RYR2: variants seen among roughly 807,000 people sequenced by gnomAD.
RYR2 encodes cardiac muscle ryanodine receptor-calcium release channel.
RYR2 carries 227 observed loss-of-function variants against 601.1 expected under a neutral mutation model. That is an observed-to-expected ratio of 0.38 (90% CI 0.34 to 0.42). RYR2 has a LOEUF of 0.42. Ranked by LOEUF, RYR2 falls within the 10% of genes least tolerant of loss-of-function variation. RYR2 has a pLI of 1.00. For synonymous variants in RYR2, 2,223 were observed against 2,175.1 expected (o/e 1.02, Z -0.61); for missense variants, 4,646 against 6,156.5 (o/e 0.75, Z 8.21).
At chr1:237,613,814 A>G (rs1678160604) in intron 36 of RYR2, among the ~76,000 whole-genome samples, 1 of 152,194 alleles carries the variant, frequency 6.6e-6, no homozygotes, top group South Asian at 2.1e-4. Flanking sequence ...CAGATTCAGG[A>G]TGCTCAACCG....
intron 15 of RYR2, among the ~76,000 whole-genome samples, chr1:237,456,329 G>A (rs1658810937): frequency 6.6e-6 from 1 of 152,184 alleles, no homozygotes; most frequent in Non-Finnish European, 1.5e-5. Flanking sequence ...AAGGCCATAA[G>A]TATGAAGTAC....
chr1:237,666,248 G>A (rs1684316714), intron 56 of RYR2, among the ~76,000 whole-genome samples: 1 of 152,132 alleles, frequency 6.6e-6, no homozygotes, highest in African/African-American at 2.4e-5. Flanking sequence ...ATAAGATAAT[G>A]TTTCAGAATT....
At chr1:237,154,863 A>G (rs762152981) in intron 1 of RYR2, among the ~76,000 whole-genome samples, 2 of 152,234 alleles carry the variant, frequency 1.3e-5, no homozygotes, top group Non-Finnish European at 2.9e-5. Context: ...TCCTCAAAAC[A>G]GTTGTTTAAG....
intron 24 of RYR2, among the ~76,000 whole-genome samples, chr1:237,521,888 C>T (rs1181919167): frequency 3.3e-5 from 5 of 152,094 alleles, no homozygotes; most frequent in Admixed American, 6.5e-5. Context: ...CTCTTGCTTG[C>T]AGTCACACTG....
chr1:237,167,792 G>A (rs1676887524), intron 1 of RYR2, among the ~76,000 whole-genome samples: 1 of 142,110 alleles, frequency 7.0e-6, no homozygotes, highest in Non-Finnish European at 1.5e-5. Context: ...GCTGTTTACA[G>A]ATATGCTTAT....
chr1:237,440,462 T>G (rs541991724), intron 12 of RYR2, among the ~76,000 whole-genome samples: 1 of 152,124 alleles, frequency 6.6e-6, no homozygotes, highest in Admixed American at 6.5e-5. Flanking sequence ...CTTTAAGACA[T>G]AGTGAGTTCC....
Position 237,643,388 on chromosome 1 carries a change from C to T in RYR2, c.7283C>T (p.Pro2428Leu), listed in dbSNP as rs1221894928. 6.2e-7 allele frequency: 1 copy of T among 1,613,706 alleles called. No individual in the cohort carries two copies. Among genetic ancestry groups the T allele is most frequent in the Admixed American group, 1.7e-5 (1 of 59,996 alleles). ...AGGTCCATTTTGAGATCCCTCATTC[C>T]CCTGGGAGATTTGGTGGGCGTTATC... Reference protein sequence around the residue: ...RIRSILRSLIPLGDLVGVISI... With the variant: ...RIRSILRSLILLGDLVGVISI... The change falls in exon 48 of 105, where the codon CCC becomes CTC. Residue 2428 changes from proline to leucine, a missense_variant. By Grantham distance (98) the Pro-to-Leu change is moderately conservative. Coordinates refer to ENST00000366574, the MANE Select transcript of RYR2 (RefSeq NM_001035.3).
intron 3 of RYR2, among the ~76,000 whole-genome samples, chr1:237,337,808 A>G (rs990167222): frequency 6.6e-6 from 1 of 152,140 alleles, no homozygotes; most frequent in Non-Finnish European, 1.5e-5. Flanking sequence ...AAAACCTTCA[A>G]TTACCTGAAG....
rs549158512 is a variant in RYR2, at chr1:237,063,889, A to G, written c.48+21320A>G. On this transcript the variant is annotated intron_variant, in intron 1 of 104. Transcript: ENST00000366574. ...TTGTTGGTGATCCACCCCCGACCCCACCCCCAGCAATTCTGGCTTCCATTA... is the reference window on the plus strand; with the variant it reads ...TTGTTGGTGATCCACCCCCGACCCCGCCCCCAGCAATTCTGGCTTCCATTA... Among the ~76,000 whole-genome samples the G allele has an allele frequency of 8.6e-5, 13 of 151,696 alleles. No homozygotes were observed. In the East Asian group the frequency reaches 2.3e-3, roughly 27 times the overall value.
intron 1 of RYR2, among the ~76,000 whole-genome samples, chr1:237,111,586 T>A (rs1266725681): frequency 1.0e-5 from 1 of 96,500 alleles, no homozygotes; most frequent in Non-Finnish European, 2.1e-5. Context: ...AGACTCCGTC[T>A]CTTTAAAAAA....
chr1:237,395,747 C>T (rs1702795638), intron 10 of RYR2, among the ~76,000 whole-genome samples: 1 of 152,040 alleles, frequency 6.6e-6, no homozygotes, highest in South Asian at 2.1e-4. Flanking sequence ...GGGGTTTCAC[C>T]GTGTTAGCCA....
intron 10 of RYR2, among the ~76,000 whole-genome samples, chr1:237,396,954 C>A (rs1190240409): frequency 6.6e-6 from 1 of 151,756 alleles, no homozygotes; most frequent in Non-Finnish European, 1.5e-5. Context: ...AACTTGACAC[C>A]AAAAGTATGT....
intron 9 of RYR2, among the ~76,000 whole-genome samples, chr1:237,387,747 A>G (rs1166300642): frequency 6.6e-6 from 1 of 152,216 alleles, no homozygotes; most frequent in Non-Finnish European, 1.5e-5. Flanking sequence ...TACGAATTTT[A>G]CAAAGGAGCA....
At chr1:237,793,674 A>G (rs1024715580) in intron 94 of RYR2, among the ~76,000 whole-genome samples, 193 bp from the exon 95 acceptor site, 1 of 152,146 alleles carries the variant, frequency 6.6e-6, no homozygotes, top group African/African-American at 2.4e-5. Flanking sequence ...TATCTATTCT[A>G]TCTTCTGTTT....
intron 1 of RYR2, among the ~76,000 whole-genome samples, chr1:237,159,439 T>C (rs1675765679): frequency 6.6e-6 from 1 of 152,166 alleles, no homozygotes; most frequent in African/African-American, 2.4e-5. Context: ...ATGTGTTACA[T>C]GTGTGTAGAA....
At chr1:237,803,728 T>G (rs959679278) in intron 98 of RYR2, among the ~76,000 whole-genome samples, 1 of 152,206 alleles carries the variant, frequency 6.6e-6, no homozygotes, top group African/African-American at 2.4e-5. Context: ...TTTAGTATTT[T>G]TGTTCTTCTT....
chr1:237,341,568 G>C, intron 3 of RYR2: 1 of 485,898 alleles, frequency 2.1e-6, no homozygotes, highest in South Asian at 1.5e-5. Flanking sequence ...GTAAATCTCA[G>C]GAATGCAGGT....
intron 1 of RYR2, among the ~76,000 whole-genome samples, chr1:237,144,027 G>T (rs1307855331): frequency 1.3e-5 from 2 of 151,998 alleles, no homozygotes; most frequent in African/African-American, 2.4e-5. Context: ...TACTCAGGAG[G>T]CTGAGGCAGG....
intron 12 of RYR2, among the ~76,000 whole-genome samples, chr1:237,438,630 T>A (rs960027220): frequency 5.9e-5 from 9 of 152,236 alleles, no homozygotes; most frequent in African/African-American, 2.2e-4. Context: ...ATTTTGTAGA[T>A]AACTTTGTGT....
Sources: allele counts gnomAD v4.1 joint callset (sites outside exome capture counted in the v4.1 genomes callset), GRCh38; gene constraint gnomAD v4.1.1; transcripts MANE v1.5; gene names NCBI Gene and HGNC (gene_info 2026-07-23, HGNC 2026-07-21).